Variants in APBB2 observed in about 807,000 individuals in gnomAD.
APBB2 encodes Fe65-like 1.
Under a neutral mutation model 82.5 loss-of-function variants are expected in APBB2, and 38 were observed. That is an observed-to-expected ratio of 0.46 (90% CI 0.36 to 0.60). The LOEUF (loss-of-function observed/expected upper bound fraction) is 0.60. Among genes scored for constraint, APBB2 ranks in the 20% least tolerant of loss-of-function variants. APBB2 has a pLI of 0.00. For synonymous variants in APBB2, 341 were observed against 368.2 expected (o/e 0.93, Z 0.85); for missense variants, 772 against 972.3 (o/e 0.79, Z 2.74).
chr4:40,857,098 G>A, intron 12 of APBB2: 1 of 985,484 alleles, frequency 1.0e-6, no homozygotes, highest in Non-Finnish European at 1.2e-6. Flanking sequence ...CAGGGTGCCG[G>A]CACCAGCCAG....
intron 12 of APBB2, among the ~76,000 whole-genome samples, chr4:40,889,439 AAGCTCAGG>A: frequency 6.6e-6 from 1 of 152,358 alleles, no homozygotes; most frequent in Non-Finnish European, 1.5e-5. Flanking sequence ...ATGGAACCAT[AAGCTCAGG>A]AGAGCCGCCT....
At chr4:40,943,832 A>G (rs1010530069) in intron 7 of APBB2, among the ~76,000 whole-genome samples, 20 of 152,246 alleles carry the variant, frequency 1.3e-4, no homozygotes, top group African/African-American at 4.6e-4. Context: ...GCCCCAGCCC[A>G]TCACTTTCAA....
chr4:41,162,885 T>C (rs1391365287), intron 1 of APBB2, among the ~76,000 whole-genome samples: 4 of 152,194 alleles, frequency 2.6e-5, no homozygotes, highest in Admixed American at 2.6e-4. Flanking sequence ...TATTTAATTG[T>C]TGATTCAATT....
intron 2 of APBB2, among the ~76,000 whole-genome samples, chr4:41,110,591 A>G (rs1414252572): frequency 6.9e-6 from 1 of 145,236 alleles, no homozygotes; most frequent in Non-Finnish European, 1.5e-5. Flanking sequence ...CATCAGAGTT[A>G]AGACTCTGTC....
chr4:40,875,368 T>C (rs1766624345), intron 12 of APBB2, among the ~76,000 whole-genome samples: 1 of 152,222 alleles, frequency 6.6e-6, no homozygotes, highest in South Asian at 2.1e-4. Context: ...TCCTAAGGAT[T>C]ACTTACTTCA....
chr4:40,929,446 C>A (rs1783523497), intron 10 of APBB2, among the ~76,000 whole-genome samples: 1 of 152,112 alleles, frequency 6.6e-6, no homozygotes, highest in Non-Finnish European at 1.5e-5. Context: ...ACTACAGGCA[C>A]CCACCACCAT....
intron 4 of APBB2, among the ~76,000 whole-genome samples, chr4:41,039,696 C>T (rs1035519326): frequency 2.0e-5 from 3 of 152,046 alleles, no homozygotes; most frequent in East Asian, 1.9e-4. Flanking sequence ...CTCATCTCCA[C>T]AAAAAATTTA....
At position 40,851,749 on chromosome 4, in the gene APBB2, T is replaced by A. The variant is rs865892362; in HGVS notation, c.1530-21172A>T. Among the ~76,000 whole-genome samples the A allele has an allele frequency of 3.5e-3, 469 of 135,868 alleles. 2 individuals are homozygous for A. The highest frequency in any genetic ancestry group is 0.011 in the South Asian group (49 of 4,314). The allele number at this position is 135,868 out of a possible 152,430, so 89.1% of individuals were successfully genotyped here. A position where few individuals can be genotyped will look rare whatever the true frequency, so the allele number is the denominator to read the frequency against. On this transcript the variant is annotated intron_variant, in intron 12 of 17. Transcript: ENST00000508593. ...ATATATATATATATATTTTTTTTTT[T>A]TTTTTTTTTCAAAACCAAACCAAAG...
At chr4:40,874,518 C>T (rs964003225) in intron 12 of APBB2, among the ~76,000 whole-genome samples, 3 of 149,620 alleles carry the variant, frequency 2.0e-5, no homozygotes, top group Non-Finnish European at 4.4e-5. Context: ...GGGGGCAGGG[C>T]GGGGGGTGGA....
At chr4:40,901,457 C>G (rs1194197687) in intron 10 of APBB2, among the ~76,000 whole-genome samples, 2 of 152,074 alleles carry the variant, frequency 1.3e-5, no homozygotes, top group East Asian at 3.9e-4. Flanking sequence ...GGGGGGTGCT[C>G]TGTCCTCTTC....
intron 10 of APBB2, among the ~76,000 whole-genome samples, chr4:40,920,043 C>A (rs189788317): frequency 6.6e-6 from 1 of 152,218 alleles, no homozygotes; most frequent in East Asian, 1.9e-4. Context: ...GTCAACTGCT[C>A]GGGTATGTCA....
intron 3 of APBB2, among the ~76,000 whole-genome samples, chr4:41,082,400 T>C (rs963178271): frequency 6.6e-6 from 1 of 152,166 alleles, no homozygotes; most frequent in Non-Finnish European, 1.5e-5. Flanking sequence ...TCTTGGAACC[T>C]ATGGAACGCA....
At chr4:40,992,446 G>C (rs1377221478) in intron 6 of APBB2, among the ~76,000 whole-genome samples, 3 of 151,888 alleles carry the variant, frequency 2.0e-5, no homozygotes, top group Admixed American at 1.3e-4. Context: ...CCAAAGCACT[G>C]GGATTACAGG....
intron 1 of APBB2, among the ~76,000 whole-genome samples, chr4:41,180,201 T>A (rs977304385): frequency 7.2e-5 from 11 of 152,306 alleles, no homozygotes; most frequent in Admixed American, 3.3e-4. Flanking sequence ...CTCCTCGCTA[T>A]CTCTTACAAG....
chr4:41,108,140 A>G (rs2153977616), intron 2 of APBB2, among the ~76,000 whole-genome samples: 1 of 152,272 alleles, frequency 6.6e-6, no homozygotes, highest in African/African-American at 2.4e-5. Context: ...GCGTGTAAAG[A>G]GACACAGACA....
chr4:41,204,835 T>TA (rs904845413), intron 1 of APBB2, among the ~76,000 whole-genome samples: 1 of 152,204 alleles, frequency 6.6e-6, no homozygotes, highest in Admixed American at 6.5e-5. Flanking sequence ...ATTCGAAAGA[T>TA]ATAACAACTG....
At chr4:41,122,725 T>C (rs765856029) in intron 2 of APBB2, among the ~76,000 whole-genome samples, 2 of 152,244 alleles carry the variant, frequency 1.3e-5, no homozygotes, top group Non-Finnish European at 1.5e-5. Flanking sequence ...AGGCAGAGGA[T>C]ATATCTTGTA....
At chr4:41,110,315 T>C (rs950141308) in intron 2 of APBB2, among the ~76,000 whole-genome samples, 16 of 152,062 alleles carry the variant, frequency 1.1e-4, no homozygotes, top group African/African-American at 3.1e-4. Context: ...GTTAAAAAAT[T>C]TGACCTCAGC....
chr4:40,852,783 G>A (rs891820603), intron 12 of APBB2, among the ~76,000 whole-genome samples: 1 of 152,088 alleles, frequency 6.6e-6, no homozygotes, highest in Non-Finnish European at 1.5e-5. Flanking sequence ...TGGAATTACA[G>A]GCATGTGCCA....
Sources: gnomAD v4.1 joint callset for allele counts (sites outside exome capture counted in the v4.1 genomes callset) on GRCh38, gnomAD v4.1.1 for gene constraint, MANE v1.5 for transcripts, NCBI Gene and HGNC (gene_info 2026-07-23, HGNC 2026-07-21) for gene names.